The following ENTPD4 variants were observed in gnomAD, a reference collection of about 807,000 sequenced individuals.
The protein encoded by ENTPD4 is Golgi UDPase.
A neutral mutation model predicts 79.1 loss-of-function variants in ENTPD4; 60 were observed. The ratio of observed to expected loss-of-function variants is 0.76; its 90% CI spans 0.62 to 0.94. The LOEUF (loss-of-function observed/expected upper bound fraction) is 0.94. ENTPD4 is among the 40% of genes least tolerant of loss of function. The pLI is 0.00. For synonymous variants in ENTPD4, 276 were observed against 292.0 expected (o/e 0.95, Z 0.56); for missense variants, 772 against 775.1 (o/e 1.00, Z 0.05).
At chr8:23,444,703 C>T (rs2117294441) in intron 4 of ENTPD4, 97 bp from the exon 5 acceptor site, 4 of 1,020,674 alleles carry the variant, frequency 3.9e-6, no homozygotes, top group East Asian at 4.9e-5. Context: ...TCATGCTACA[C>T]ATTACACTTC....
At chr8:23,439,395 G>A (rs1320456089) in intron 9 of ENTPD4, among the ~76,000 whole-genome samples, 1 of 152,104 alleles carries the variant, frequency 6.6e-6, no homozygotes, top group African/African-American at 2.4e-5. Flanking sequence ...AGGCCTCCAG[G>A]ACACCACGAG....
Position 23,448,767 on chromosome 8 carries a change from G to T in ENTPD4, c.181C>A (p.Leu61Ile). Residue 61 changes from leucine (L) to isoleucine (I), a missense_variant, in exon 3 of 13, where the codon CTA becomes ATA. Leu to Ile is a conservative substitution (Grantham distance 5). Transcript: ENST00000358689. ...VVIIRNKYGR[L>I]TRDKKFQRYL... The stretch of plus-strand genomic sequence containing the variant: ...CTTTGAAATTTCTTGTCTCTGGTTA[G>T]TCGCCCATACTTATTTCGGATTATG... The T allele has an allele frequency of 6.2e-7, 1 of 1,614,096 alleles. No individual in the cohort carries two copies.
At chr8:23,454,443 G>A (rs1800918028) in intron 1 of ENTPD4, among the ~76,000 whole-genome samples, 1 of 152,218 alleles carries the variant, frequency 6.6e-6, no homozygotes, top group Non-Finnish European at 1.5e-5. Flanking sequence ...CAAATTTCAT[G>A]GAGTTTGCAG....
Position 23,429,984 on chromosome 8 carries a change from C to T in ENTPD4, c.*2942G>A, listed in dbSNP as rs1003115471. ...ATAAGCACTTATTGCTGGCATGTTTCTACCAAGATTGAACACAATGCTTTT... is the reference window on the plus strand; with the variant it reads ...ATAAGCACTTATTGCTGGCATGTTTTTACCAAGATTGAACACAATGCTTTT... On this transcript the variant is annotated 3_prime_UTR_variant, in exon 13 of 13. Coordinates refer to ENST00000358689, the MANE Select transcript of ENTPD4 (RefSeq NM_004901.5). 106 of 985,368 alleles carry T rather than the reference C, an allele frequency of 1.1e-4. No homozygotes were observed. The highest frequency in any genetic ancestry group is 1.2e-4 in the Non-Finnish European group (101 of 829,962). 61.0% of individuals were successfully genotyped at this position (985,368 alleles called of 1,614,324 possible). A position where few individuals can be genotyped will look rare whatever the true frequency, so the allele number is the denominator to read the frequency against.
In ENTPD4 at chr8:23,432,924, G is replaced by T; in HGVS notation, c.*2C>A. Reference sequence around the variant, plus strand: ...TGAGTCTTCGTGGAGCTGTGAGCTGGATCACAAGGTCCCCGGGGCATTCTG... The same window carrying T: ...TGAGTCTTCGTGGAGCTGTGAGCTGTATCACAAGGTCCCCGGGGCATTCTG... On this transcript the variant is annotated 3_prime_UTR_variant, in exon 13 of 13. Coordinates refer to ENST00000358689, the MANE Select transcript of ENTPD4 (RefSeq NM_004901.5). The T allele has an allele frequency of 6.3e-7, 1 of 1,588,594 alleles. No individual in the cohort carries two copies. The highest frequency in any genetic ancestry group is 8.6e-7 in the Non-Finnish European group (1 of 1,166,220).
chr8:23,432,497 A>G lies in ENTPD4; in HGVS notation c.*429T>C, dbSNP rs1055654513. 1.0e-6 allele frequency: 1 copy of G among 973,202 alleles called. No homozygotes were observed. Among genetic ancestry groups the G allele is most frequent in the African/African-American group, 2.1e-5 (1 of 47,004 alleles). 60.3% of individuals were successfully genotyped at this position (973,202 alleles called of 1,614,324 possible). ...TACTTCTAGACAGCAGGGCTTATAA[A>G]CAATGCATTTTTTTTTTTTGAGACG... On this transcript the variant is annotated 3_prime_UTR_variant, in exon 13 of 13. Transcript: ENST00000358689.
chr8:23,449,312 A>C (rs1381976651), intron 2 of ENTPD4, among the ~76,000 whole-genome samples: 2 of 152,198 alleles, frequency 1.3e-5, no homozygotes, highest in Non-Finnish European at 2.9e-5. Context: ...GGATGATGAG[A>C]CCAAACGGGA....
chr8:23,431,569 C>T lies in ENTPD4; in HGVS notation c.*1357G>A. 1.0e-6 allele frequency: 1 copy of T among 985,400 alleles called. No individual in the cohort carries two copies. Among genetic ancestry groups the T allele is most frequent in the South Asian group, 4.7e-5 (1 of 21,280 alleles). The allele number at this position is 985,400 out of a possible 1,614,324, so 61.0% of individuals were successfully genotyped here. ...TTCCTGTATTGGATGCAGACTCTTC[C>T]CTTCTGGATTTACAGTGGTGCTGCC... is the stretch of plus-strand genomic sequence containing the variant. On this transcript the variant is annotated 3_prime_UTR_variant, in exon 13 of 13. Transcript: ENST00000358689.
At position 23,433,027 on chromosome 8, in the gene ENTPD4, G is replaced by GCAGCAGGTA; in HGVS notation, c.1741_1749dup (p.Tyr581_Leu583dup). On this transcript the variant is annotated inframe_insertion, in exon 13 of 13. Transcript: ENST00000358689. ...GTGCGCCTGTGGATGCGCCGCAGCC[G>GCAGCAGGTA]CAGCAGGTACAGCAGGATGGCCAGC... 6.2e-7 allele frequency: 1 copy of GCAGCAGGTA among 1,614,096 alleles called. No individual in the cohort carries two copies. Among genetic ancestry groups the GCAGCAGGTA allele is most frequent in the Non-Finnish European group, 8.5e-7 (1 of 1,180,000 alleles).
At chr8:23,440,709 C>T (rs1192334539) in intron 8 of ENTPD4, among the ~76,000 whole-genome samples, 1 of 152,172 alleles carries the variant, frequency 6.6e-6, no homozygotes, top group African/African-American at 2.4e-5. Context: ...TACTAGCTGC[C>T]TGGCAGTGCA....
intron 1 of ENTPD4, among the ~76,000 whole-genome samples, chr8:23,454,296 T>C (rs953061278): frequency 6.6e-6 from 1 of 152,072 alleles, no homozygotes. Flanking sequence ...TCAGTGATAG[T>C]TGTGTGATAG....
At position 23,432,375 on chromosome 8, in the gene ENTPD4, T is replaced by C. The variant is rs1800470115; in HGVS notation, c.*551A>G. On this transcript the variant is annotated 3_prime_UTR_variant, in exon 13 of 13. Coordinates refer to ENST00000358689, the MANE Select transcript of ENTPD4 (RefSeq NM_004901.5). Reference sequence around the variant, plus strand: ...CCTTAGAGAAACCCCAGAAATCTCATTTATTTTTGGCAGATATCCTGTGCA... The same window carrying C: ...CCTTAGAGAAACCCCAGAAATCTCACTTATTTTTGGCAGATATCCTGTGCA... The C allele has an allele frequency of 1.0e-6, 1 of 985,592 alleles. No homozygotes were observed. Among genetic ancestry groups the C allele is most frequent in the Non-Finnish European group, 1.2e-6 (1 of 830,164 alleles). 61.1% of individuals were successfully genotyped at this position (985,592 alleles called of 1,614,324 possible).
At chr8:23,447,944 C>T (rs1013478009) in intron 3 of ENTPD4, 59 bp from the exon 4 acceptor site, 5 of 1,418,760 alleles carry the variant, frequency 3.5e-6, no homozygotes, top group African/African-American at 1.4e-5. Context: ...TGAAGTCTAA[C>T]AGAGAAAATG....
Position 23,430,349 on chromosome 8 carries a change from G to A in ENTPD4, c.*2577C>T, listed in dbSNP as rs892812571. 10 of 985,296 alleles carry A rather than the reference G, an allele frequency of 1.0e-5. No homozygotes were observed. The highest frequency in any genetic ancestry group is 3.5e-5 in the African/African-American group (2 of 57,232). The allele number at this position is 985,296 out of a possible 1,614,324, so 61.0% of individuals were successfully genotyped here. A position where few individuals can be genotyped will look rare whatever the true frequency, so the allele number is the denominator to read the frequency against. Reference sequence around the variant, plus strand: ...GAAAATAATCTAGACGGAAAAATCCGAAGTGAAATTCTGGTGCAACAAATA... The same window carrying A: ...GAAAATAATCTAGACGGAAAAATCCAAAGTGAAATTCTGGTGCAACAAATA... On this transcript the variant is annotated 3_prime_UTR_variant, in exon 13 of 13. Transcript: ENST00000358689.
intron 12 of ENTPD4, 136 bp downstream of exon 12, chr8:23,434,180 CG>C: frequency 8.4e-7 from 1 of 1,185,056 alleles, no homozygotes; most frequent in Non-Finnish European, 1.2e-6. Context: ...CAAAAGCAAA[CG>C]TCACTGTCCC....
At position 23,442,546 on chromosome 8, in the gene ENTPD4, T is replaced by C. The variant is rs866899380; in HGVS notation, c.668-480A>G. 5.9e-5 allele frequency among the ~76,000 whole-genome samples: 9 copies of C among 152,146 alleles called. 1 individual carries two copies. The South Asian group carries it at 1.9e-3, about 32-fold the overall frequency. ...TAAAAATACAAAAATTAGTTGGGCA[T>C]GGTGGCGGCGCCTGTAGTCCCAGCT... On this transcript the variant is annotated intron_variant, in intron 6 of 12. Coordinates refer to ENST00000358689, the MANE Select transcript of ENTPD4 (RefSeq NM_004901.5).
intron 2 of ENTPD4, among the ~76,000 whole-genome samples, chr8:23,449,249 G>A (rs1225353287): frequency 6.6e-6 from 1 of 152,130 alleles, no homozygotes; most frequent in African/African-American, 2.4e-5. Flanking sequence ...GACTGCTTAC[G>A]AGAATAACTT....
Position 23,431,355 on chromosome 8 carries a change from G to A in ENTPD4, c.*1571C>T. On this transcript the variant is annotated 3_prime_UTR_variant, in exon 13 of 13. Coordinates refer to ENST00000358689, the MANE Select transcript of ENTPD4 (RefSeq NM_004901.5). ...ACTACAGGAATTTAACTGTTCTGGAGTTAGGGAACAGCACACACAGACACT... is the reference window on the plus strand; with the variant it reads ...ACTACAGGAATTTAACTGTTCTGGAATTAGGGAACAGCACACACAGACACT... The A allele has an allele frequency of 1.0e-6, 1 of 985,410 alleles. No homozygotes were observed. The highest frequency in any genetic ancestry group is 1.2e-6 in the Non-Finnish European group (1 of 829,940). 61.0% of individuals were successfully genotyped at this position (985,410 alleles called of 1,614,324 possible). A position where few individuals can be genotyped will look rare whatever the true frequency, so the allele number is the denominator to read the frequency against.
chr8:23,451,651 G>GCTCTCTC (rs1276776955), intron 1 of ENTPD4, among the ~76,000 whole-genome samples: 7 of 152,130 alleles, frequency 4.6e-5, no homozygotes, highest in Non-Finnish European at 1.0e-4. Context: ...CTCATCGTCT[G>GCTCTCTC]CTCTCTCCTC....
Sources: allele counts gnomAD v4.1 joint callset (sites outside exome capture counted in the v4.1 genomes callset), GRCh38; gene constraint gnomAD v4.1.1; transcripts MANE v1.5; gene names NCBI Gene and HGNC (gene_info 2026-07-23, HGNC 2026-07-21).